The following DAB1 variants were observed in gnomAD, a reference collection of about 807,000 sequenced individuals.
DAB1 encodes the protein DAB adaptor protein 1, also known as disabled homolog 1.
Under a neutral mutation model 64.6 loss-of-function variants are expected in DAB1, and 15 were observed. That is an observed-to-expected ratio of 0.23 (90% CI 0.16 to 0.36). The LOEUF (loss-of-function observed/expected upper bound fraction) is 0.36. Among genes scored for constraint, DAB1 ranks in the 10% least tolerant of loss-of-function variants. The probability of loss-of-function intolerance (pLI) is 1.00; values close to 1 mark genes in which losing one functional copy is unlikely to be tolerated. For synonymous variants in DAB1, 235 were observed against 251.9 expected (o/e 0.93, Z 0.64); for missense variants, 596 against 706.7 (o/e 0.84, Z 1.78).
At chr1:57,335,919 T>C (rs1399251196) in intron 1 of DAB1, among the ~76,000 whole-genome samples, 1 of 152,226 alleles carries the variant, frequency 6.6e-6, no homozygotes, top group Non-Finnish European at 1.5e-5. Flanking sequence ...ACCACAGATG[T>C]TGCTTTTGAG....
intron 4 of DAB1, among the ~76,000 whole-genome samples, chr1:58,233,222 G>A (rs1159608901): frequency 6.6e-6 from 1 of 152,182 alleles, no homozygotes; most frequent in Admixed American, 6.5e-5. Flanking sequence ...GAGAGGAGGA[G>A]GAGAAAGGAA....
At chr1:58,001,660 G>T (rs1646508866) in intron 5 of DAB1, among the ~76,000 whole-genome samples, 1 of 152,160 alleles carries the variant, frequency 6.6e-6, no homozygotes, top group Non-Finnish European at 1.5e-5. Context: ...ATGGGGGTAA[G>T]GATTAAAAAG....
intron 7 of DAB1, among the ~76,000 whole-genome samples, chr1:57,620,813 G>T (rs1481382677): frequency 1.3e-5 from 2 of 152,166 alleles, no homozygotes; most frequent in Non-Finnish European, 1.5e-5. Flanking sequence ...AAGCAGGGGG[G>T]CAGCGCGGCA....
chr1:58,190,019 A>G (rs932082125), intron 4 of DAB1, among the ~76,000 whole-genome samples: 1 of 152,084 alleles, frequency 6.6e-6, no homozygotes, highest in Admixed American at 6.5e-5. Flanking sequence ...ACAGTAAGGT[A>G]GTAGTATTTG....
chr1:57,033,242 G>A (rs1342429114), intron 9 of DAB1: 7 of 837,034 alleles, frequency 8.4e-6, no homozygotes, highest in Admixed American at 7.7e-5. Flanking sequence ...CCCACCAATA[G>A]TCTTCCTGGG....
intron 4 of DAB1, among the ~76,000 whole-genome samples, chr1:57,114,858 T>C (rs1174221134): frequency 6.6e-6 from 1 of 152,200 alleles, no homozygotes; most frequent in Non-Finnish European, 1.5e-5. Context: ...TCAGACCATC[T>C]GGGTTCCATT....
chr1:57,391,773 ACACACACACAC>A (rs1682380151), intron 1 of DAB1, among the ~76,000 whole-genome samples: 1 of 69,630 alleles, frequency 1.4e-5, no homozygotes, highest in Non-Finnish European at 3.1e-5. Context: ...ATAAACACAC[ACACACACACAC>A]ACACACACAC....
intron 8 of DAB1, 63 bp from the exon 9 acceptor site, chr1:57,063,006 G>T: frequency 6.8e-7 from 1 of 1,462,094 alleles, no homozygotes; most frequent in Non-Finnish European, 9.6e-7. Context: ...AAAGAACAAA[G>T]CAACCAGACT....
intron 1 of DAB1, among the ~76,000 whole-genome samples, chr1:57,312,497 C>T (rs543333398): frequency 7.0e-4 from 106 of 152,216 alleles, no homozygotes; most frequent in Non-Finnish European, 1.1e-3. Flanking sequence ...AAGCAGATGC[C>T]GTCTACAATA....
At chr1:57,312,420 T>C (rs539787553) in intron 1 of DAB1, among the ~76,000 whole-genome samples, 49 of 152,012 alleles carry the variant, frequency 3.2e-4, no homozygotes, top group African/African-American at 1.2e-3. Flanking sequence ...AGTTTAGAAA[T>C]AACCTAAGTC....
At position 57,871,839 on chromosome 1, in the gene DAB1, CTA is replaced by C. The variant is rs1460415422; in HGVS notation, n.87+12158_87+12159del. On this transcript the variant is annotated intron_variant and non_coding_transcript_variant, in intron 1 of 1. Transcript: ENST00000477280. ...CATGTATGGGTATGTGTGTATAAAA[CTA>C]TATGCACTACAGGAGTGACAGCTCT... 2.6e-5 allele frequency among the ~76,000 whole-genome samples: 4 copies of C among 152,082 alleles called. No individual in the cohort carries two copies. The East Asian group carries it at 7.7e-4, about 29-fold the overall frequency.
intron 2 of DAB1, among the ~76,000 whole-genome samples, chr1:57,224,326 TCAC>T (rs1189971286): frequency 6.6e-6 from 1 of 152,172 alleles, no homozygotes; most frequent in Non-Finnish European, 1.5e-5. Flanking sequence ...TCTCCCCTGA[TCAC>T]CACCTGAGTT....
At chr1:57,906,979 G>C (rs1644562215) in intron 5 of DAB1, among the ~76,000 whole-genome samples, 1 of 147,268 alleles carries the variant, frequency 6.8e-6, no homozygotes, top group Non-Finnish European at 1.5e-5. Flanking sequence ...TAGATAGATA[G>C]ATAGATAGAT....
rs960043186 is a variant in DAB1, at chr1:57,534,016, A to G, written n.625+115576T>C. Among the ~76,000 whole-genome samples, 5 of 152,244 alleles carry G rather than the reference A, an allele frequency of 3.3e-5. No individual in the cohort carries two copies. The South Asian group carries it at 8.3e-4, about 25-fold the overall frequency. On this transcript the variant is annotated intron_variant and non_coding_transcript_variant, in intron 7 of 20. Coordinates refer to the DAB1 transcript ENST00000485760. ...ATACCTCAGTTCTGAATACCTCTAC[A>G]TTGTTACATTACTCCTGCTTGATAT... is the stretch of plus-strand genomic sequence containing the variant.
At chr1:58,137,676 C>T (rs1445317622) in intron 5 of DAB1, among the ~76,000 whole-genome samples, 2 of 152,184 alleles carry the variant, frequency 1.3e-5, no homozygotes, top group East Asian at 1.9e-4. Flanking sequence ...CTACTCCAAG[C>T]CAAATCCCAA....
At chr1:58,056,347 A>G (rs926957344) in intron 5 of DAB1, 2 of 1,585,036 alleles carry the variant, frequency 1.3e-6, no homozygotes, top group Non-Finnish European at 1.7e-6. Flanking sequence ...TGCGGCCTTC[A>G]CTATGTTTCG....
chr1:58,234,901 T>A (rs1659947650), intron 4 of DAB1, among the ~76,000 whole-genome samples: 1 of 152,172 alleles, frequency 6.6e-6, no homozygotes, highest in Non-Finnish European at 1.5e-5. Context: ...CTGGAGGAAC[T>A]GGATAAGAGA....
chr1:57,187,141 A>G (rs1355700822), intron 2 of DAB1, among the ~76,000 whole-genome samples: 1 of 152,186 alleles, frequency 6.6e-6, no homozygotes, highest in African/African-American at 2.4e-5. Flanking sequence ...ACCTTCTGTG[A>G]TTCCCTAGGC....
chr1:57,822,366 C>G (rs894246793), downstream of DAB1, among the ~76,000 whole-genome samples: 1 of 152,044 alleles, frequency 6.6e-6, no homozygotes, highest in African/African-American at 2.4e-5. Flanking sequence ...TCTCTCTGGA[C>G]AGAGCTGAGA....
Sources: gnomAD v4.1 joint callset for allele counts (sites outside exome capture counted in the v4.1 genomes callset) on GRCh38, gnomAD v4.1.1 for gene constraint, MANE v1.5 for transcripts, NCBI Gene and HGNC (gene_info 2026-07-23, HGNC 2026-07-21) for gene names.